Variants in TANGO6 observed in about 807,000 individuals in gnomAD.
TANGO6 encodes the protein transport and Golgi organization protein 6 homolog.
TANGO6 carries 90 observed loss-of-function variants against 114.2 expected under a neutral mutation model. The ratio of observed to expected loss-of-function variants is 0.79; its 90% CI spans 0.66 to 0.94. The LOEUF (loss-of-function observed/expected upper bound fraction) is 0.94. Among genes scored for constraint, TANGO6 ranks in the 40% least tolerant of loss-of-function variants. The pLI is 0.00. For synonymous variants in TANGO6, 477 were observed against 509.8 expected (o/e 0.94, Z 0.87); for missense variants, 1,274 against 1,315.3 (o/e 0.97, Z 0.49).
intron 14 of TANGO6, among the ~76,000 whole-genome samples, chr16:68,934,309 T>C (rs757581857): frequency 4.6e-5 from 7 of 152,188 alleles, no homozygotes; most frequent in Non-Finnish European, 1.0e-4. Flanking sequence ...CCTCCCAAAG[T>C]GCTGGGATTG....
intron 1 of TANGO6, among the ~76,000 whole-genome samples, chr16:68,851,221 G>A (rs534115032): frequency 5.3e-5 from 8 of 151,996 alleles, no homozygotes; most frequent in Middle Eastern, 3.4e-3. Flanking sequence ...GTGCAGTGGC[G>A]CAATCTCGGC....
intron 16 of TANGO6, among the ~76,000 whole-genome samples, chr16:69,027,411 C>T (rs995458086): frequency 6.6e-6 from 1 of 152,108 alleles, no homozygotes; most frequent in South Asian, 2.1e-4. Flanking sequence ...CAGGGACAGC[C>T]TGTTCCTCAG....
intron 16 of TANGO6, among the ~76,000 whole-genome samples, chr16:69,023,271 C>T (rs1959443935): frequency 6.6e-6 from 1 of 152,068 alleles, no homozygotes; most frequent in Non-Finnish European, 1.5e-5. Context: ...GCCTGGTCAA[C>T]ATGGCGTAAC....
intron 17 of TANGO6, among the ~76,000 whole-genome samples, chr16:69,060,713 G>A (rs191735662): frequency 1.3e-5 from 2 of 152,156 alleles, no homozygotes; most frequent in Non-Finnish European, 2.9e-5. Context: ...GGAATTCTAA[G>A]CCAGGCATGG....
chr16:69,063,808 C>CTTCTTCTTCTTATTATTATTA (rs56983779), intron 17 of TANGO6, among the ~76,000 whole-genome samples: 21 of 125,582 alleles, frequency 1.7e-4, no homozygotes, highest in African/African-American at 6.2e-4. Context: ...TCTTCTTCTT[C>CTTCTTCTTCTTATTATTATTA]TTATTATTAT....
chr16:69,083,362 T>G, intron 17 of TANGO6, 123 bp from the exon 18 acceptor site: 2 of 1,242,792 alleles, frequency 1.6e-6, no homozygotes, highest in Non-Finnish European at 2.2e-6. Flanking sequence ...CCCAGCCACA[T>G]TATCTTCAGG....
chr16:69,077,229 T>G (rs1960395262), intron 17 of TANGO6, among the ~76,000 whole-genome samples: 1 of 151,846 alleles, frequency 6.6e-6, no homozygotes, highest in Non-Finnish European at 1.5e-5. Context: ...TTATTTTATT[T>G]TTTTTTAGTA....
intron 15 of TANGO6, among the ~76,000 whole-genome samples, chr16:69,015,474 T>TTATC (rs1476861951): frequency 6.7e-6 from 1 of 150,212 alleles, no homozygotes; most frequent in Non-Finnish European, 1.5e-5. Context: ...TTTTATTTAT[T>TTATC]TATTTATTTA....
intron 15 of TANGO6, among the ~76,000 whole-genome samples, chr16:68,982,629 C>CAT (rs1567553024): frequency 8.3e-6 from 1 of 120,538 alleles, no homozygotes; most frequent in African/African-American, 4.0e-5. Flanking sequence ...CATGCCCTGG[C>CAT]CTTTTTTTTT....
intron 1 of TANGO6, among the ~76,000 whole-genome samples, chr16:68,859,326 A>G (rs978928856): frequency 2.0e-5 from 3 of 152,204 alleles, no homozygotes; most frequent in African/African-American, 7.2e-5. Context: ...ACTCACCACC[A>G]TAGCCAGCTG....
chr16:68,946,403 C>A (rs1963415016), intron 14 of TANGO6, among the ~76,000 whole-genome samples: 1 of 152,010 alleles, frequency 6.6e-6, no homozygotes, highest in South Asian at 2.1e-4. Context: ...ACTGTGTTAG[C>A]CAGGATGGTC....
chr16:68,873,467 C>A (rs1199266717), intron 4 of TANGO6, among the ~76,000 whole-genome samples: 2 of 152,096 alleles, frequency 1.3e-5, no homozygotes, highest in Non-Finnish European at 2.9e-5. Flanking sequence ...GCGCCCACCA[C>A]CACATCTGGC....
chr16:68,847,076 G>C (rs1480488833), intron 1 of TANGO6, among the ~76,000 whole-genome samples: 2 of 151,952 alleles, frequency 1.3e-5, no homozygotes, highest in Non-Finnish European at 2.9e-5. Flanking sequence ...TTTTAGTAGA[G>C]ATGGGGTTTC....
intron 16 of TANGO6, chr16:69,026,704 A>C (rs905940488): frequency 2.0e-5 from 3 of 152,272 alleles, no homozygotes; most frequent in African/African-American, 7.2e-5. Context: ...GAGAGGATCA[A>C]ATCTGTTTGT....
chr16:68,921,555 T>TTTTG (rs1963094013), intron 12 of TANGO6, among the ~76,000 whole-genome samples: 1 of 150,220 alleles, frequency 6.7e-6, no homozygotes, highest in Non-Finnish European at 1.5e-5. Flanking sequence ...GTTTTGTTTT[T>TTTTG]TTTTGGTTGA....
chr16:68,895,410 G>C lies in TANGO6; in HGVS notation c.1378-5024G>C, dbSNP rs1962691207. Among the ~76,000 whole-genome samples the C allele has an allele frequency of 2.0e-5, 3 of 152,138 alleles. No homozygotes were observed. In the South Asian group the frequency reaches 6.2e-4, roughly 31 times the overall value. ...TAACAGTGGGCTTCCTTTAAATTGT[G>C]TACTACTGTATTCACTGCCTATTCA... On this transcript the variant is annotated intron_variant, in intron 7 of 17. Transcript: ENST00000261778.
In TANGO6 at chr16:68,919,760, C is replaced by T. The variant is rs114378025; in HGVS notation, c.2127+541C>T. Among the ~76,000 whole-genome samples, 481 of 152,116 alleles carry T rather than the reference C, an allele frequency of 3.2e-3. 3 individuals carry two copies. Among genetic ancestry groups the T allele is most frequent in the African/African-American group, 0.011 (462 of 41,474 alleles). Reference sequence around the variant, plus strand: ...ATTTTTTTAAACACTACATATTGGCCGGGTGCGGTGGCTCACTGAGCCTGT... The same window carrying T: ...ATTTTTTTAAACACTACATATTGGCTGGGTGCGGTGGCTCACTGAGCCTGT... On this transcript the variant is annotated intron_variant, in intron 12 of 17. Transcript: ENST00000261778.
intron 1 of TANGO6, 103 bp downstream of exon 1, chr16:68,843,814 C>T: frequency 9.2e-7 from 1 of 1,082,434 alleles, no homozygotes; most frequent in Non-Finnish European, 1.4e-6. Context: ...TTAGGCCCGC[C>T]TCGGGACCCT....
At chr16:68,868,088 G>C (rs1962208373) in intron 4 of TANGO6, 1 of 150,106 alleles carries the variant, frequency 6.7e-6, no homozygotes, top group Non-Finnish European at 1.5e-5. Flanking sequence ...AGGCTATAGT[G>C]AGCCATGATC....
Sources: allele counts gnomAD v4.1 joint callset (sites outside exome capture counted in the v4.1 genomes callset), GRCh38; gene constraint gnomAD v4.1.1; transcripts MANE v1.5; gene names NCBI Gene and HGNC (gene_info 2026-07-23, HGNC 2026-07-21).